AK5: variants seen among roughly 807,000 people sequenced by gnomAD.
AK5 encodes the protein adenylate kinase isoenzyme 5.
AK5 carries 27 observed loss-of-function variants against 69.5 expected under a neutral mutation model. The observed-to-expected ratio is 0.39, with a 90% CI of 0.29 to 0.54. The LOEUF is 0.54. Ranked by LOEUF, AK5 falls within the 20% of genes least tolerant of loss-of-function variation. The pLI is 0.71. For synonymous variants in AK5, 260 were observed against 244.4 expected (o/e 1.06, Z -0.60); for missense variants, 531 against 700.4 (o/e 0.76, Z 2.73).
At chr1:77,475,232 T>A (rs1187520062) in intron 8 of AK5, among the ~76,000 whole-genome samples, 11 of 145,698 alleles carry the variant, frequency 7.5e-5, no homozygotes, top group African/African-American at 2.8e-4. Flanking sequence ...ATACTCCATA[T>A]ATAGATATAT....
At chr1:77,290,230 G>A (rs970333239) in intron 2 of AK5, among the ~76,000 whole-genome samples, 1 of 152,170 alleles carries the variant, frequency 6.6e-6, no homozygotes, top group Non-Finnish European at 1.5e-5. Flanking sequence ...GGTTGGTCCT[G>A]TAATAATACA....
chr1:77,282,881 C>G (rs1430295672), intron 1 of AK5: 2 of 986,286 alleles, frequency 2.0e-6, no homozygotes, highest in Non-Finnish European at 2.4e-6. Flanking sequence ...GATGAAGATG[C>G]AAAAAGCAAA....
intron 6 of AK5, among the ~76,000 whole-genome samples, chr1:77,386,044 A>G (rs759026224): frequency 6.6e-6 from 1 of 152,202 alleles, no homozygotes; most frequent in East Asian, 1.9e-4. Context: ...CTCTGTGTAT[A>G]TATTACTTTG....
intron 6 of AK5, among the ~76,000 whole-genome samples, chr1:77,343,601 C>T (rs1246394365): frequency 6.6e-6 from 1 of 152,092 alleles, no homozygotes; most frequent in Non-Finnish European, 1.5e-5. Context: ...CACCACCTAC[C>T]ACCTGTGTGA....
At chr1:77,479,521 G>A (rs1333213335) in intron 8 of AK5, among the ~76,000 whole-genome samples, 1 of 152,050 alleles carries the variant, frequency 6.6e-6, no homozygotes, top group African/African-American at 2.4e-5. Flanking sequence ...TTGTCTTTTG[G>A]TGTTAGTGGG....
At chr1:77,499,892 T>TGG (rs1656603652) in intron 10 of AK5, among the ~76,000 whole-genome samples, 1 of 145,308 alleles carries the variant, frequency 6.9e-6, no homozygotes, top group African/African-American at 2.6e-5. Context: ...TTTTTTTTTT[T>TGG]TTTTTTTTTG....
chr1:77,443,017 T>G (rs1256273906), intron 8 of AK5, among the ~76,000 whole-genome samples: 1 of 152,212 alleles, frequency 6.6e-6, no homozygotes, highest in Non-Finnish European at 1.5e-5. Context: ...TTAACACAAC[T>G]GACTCCATTT....
rs531364031 is a variant in AK5, at chr1:77,514,742, G to A, written c.1148-3822G>A. ...GAAGATTTTTAATTGCCTTTGTGTC[G>A]AGATTTATTAAATAACATTTTAGAG... On this transcript the variant is annotated intron_variant, in intron 10 of 13. Transcript: ENST00000354567. Among the ~76,000 whole-genome samples the A allele has an allele frequency of 8.5e-5, 13 of 152,320 alleles. 1 individual carries two copies. The East Asian group carries it at 1.3e-3, about 16-fold the overall frequency.
chr1:77,429,428 TG>T (rs1175746056), intron 8 of AK5, among the ~76,000 whole-genome samples: 1 of 152,220 alleles, frequency 6.6e-6, no homozygotes, highest in Admixed American at 6.5e-5. Context: ...TCATATCCTT[TG>T]CCCACTTTTT....
rs532208165 is a variant in AK5, at chr1:77,429,107, G to T, written c.1059+11392G>T. 2.9e-4 allele frequency among the ~76,000 whole-genome samples: 44 copies of T among 152,218 alleles called. No homozygotes were observed. In the East Asian group the frequency reaches 8.1e-3, roughly 28 times the overall value. ...AGCTGCATGATTTATAATCCTTTGG[G>T]TATATACCCAGTAATGGGATGGCTG... On this transcript the variant is annotated intron_variant, in intron 8 of 13. Coordinates refer to ENST00000354567, the MANE Select transcript of AK5 (RefSeq NM_174858.3).
intron 2 of AK5, among the ~76,000 whole-genome samples, chr1:77,289,575 G>T (rs975757853): frequency 3.3e-5 from 5 of 152,088 alleles, no homozygotes; most frequent in African/African-American, 1.2e-4. Flanking sequence ...CTCTGACTGG[G>T]TGTAAAAGTG....
rs1386368168 is a variant in AK5 at position 77,340,403 on chromosome 1, C to G, written c.726C>G (p.Phe242Leu). 6.2e-7 allele frequency: 1 copy of G among 1,613,958 alleles called. No individual in the cohort carries two copies. The highest frequency in any genetic ancestry group is 1.1e-5 in the South Asian group (1 of 91,070). The change falls in exon 6 of 14, where the codon TTC becomes TTG. Residue 242 changes from phenylalanine to leucine, a missense_variant. Coordinates refer to ENST00000354567, the MANE Select transcript of AK5 (RefSeq NM_174858.3). ...DQICTPDLVV[F>L]LACANQRLKE... ...TCTGTACCCCCGATTTGGTGGTATT[C>G]CTGGCTTGTGCTAATCAGAGACTCA... is the stretch of plus-strand genomic sequence containing the variant.
chr1:77,441,254 T>C (rs955415506), intron 8 of AK5, among the ~76,000 whole-genome samples: 1 of 152,238 alleles, frequency 6.6e-6, no homozygotes, highest in Non-Finnish European at 1.5e-5. Context: ...TTGAGTTTCC[T>C]TAAGATAATT....
rs540116799 is a variant in AK5, at chr1:77,412,901, G to A, written c.982+1830G>A. Among the ~76,000 whole-genome samples, 4 of 152,076 alleles carry A rather than the reference G, an allele frequency of 2.6e-5. No homozygotes were observed. In the East Asian group the frequency reaches 7.7e-4, roughly 29 times the overall value. On this transcript the variant is annotated intron_variant, in intron 7 of 13. Transcript: ENST00000354567. ...ATCATCAATCCACGGGGGCACCTTG[G>A]GAGTCCAAACCTTTGTCTTTATTCC...
Position 77,282,062 on chromosome 1 carries a change from G to T in AK5, c.-252G>T. The T allele has an allele frequency of 2.7e-6, 1 of 365,958 alleles. No homozygotes were observed. Among genetic ancestry groups the T allele is most frequent in the Non-Finnish European group, 4.9e-6 (1 of 204,148 alleles). The allele number at this position is 365,958 out of a possible 1,614,324, so 22.7% of individuals were successfully genotyped here. On this transcript the variant is annotated 5_prime_UTR_variant, in exon 1 of 14. Transcript: ENST00000354567. ...CAGCCCGGGAAGCCGCGGCACAGCT[G>T]CTCGGCGCCTGCAGCTCCGGCTCGG...
intron 6 of AK5, among the ~76,000 whole-genome samples, chr1:77,387,939 A>G (rs567546225): frequency 2.7e-4 from 41 of 152,302 alleles, no homozygotes; most frequent in African/African-American, 8.7e-4. Flanking sequence ...AATGTAAACC[A>G]TTATTTCTGT....
At chr1:77,293,464 G>A (rs976317914) in intron 2 of AK5, 3 of 196,136 alleles carry the variant, frequency 1.5e-5, no homozygotes, top group African/African-American at 7.1e-5. Context: ...GGGCGGCAAA[G>A]TTTCATGAGC....
chr1:77,484,065 T>A (rs187029167), intron 9 of AK5, among the ~76,000 whole-genome samples: 1 of 151,594 alleles, frequency 6.6e-6, no homozygotes. Flanking sequence ...CTCAGGAGGC[T>A]GAGGCAGGAG....
At position 77,367,617 on chromosome 1, in the gene AK5, A is replaced by G. The variant is rs867392303; in HGVS notation, c.891+27049A>G. On this transcript the variant is annotated intron_variant, in intron 6 of 13. Transcript: ENST00000354567. ...TATATGTAATATATATGTAATATAT[A>G]TGTTATATATGTAATATATATGTTA... Among the ~76,000 whole-genome samples, 109 of 99,478 alleles carry G rather than the reference A, an allele frequency of 1.1e-3. 5 individuals are homozygous for G. Among genetic ancestry groups the G allele is most frequent in the Non-Finnish European group, 1.7e-3 (92 of 53,664 alleles). The allele number at this position is 99,478 out of a possible 152,430, so 65.3% of individuals were successfully genotyped here.
Sources: allele counts gnomAD v4.1 joint callset (sites outside exome capture counted in the v4.1 genomes callset), GRCh38; gene constraint gnomAD v4.1.1; transcripts MANE v1.5; gene names NCBI Gene and HGNC (gene_info 2026-07-23, HGNC 2026-07-21).